DCUN1D4: variants seen among roughly 807,000 people sequenced by gnomAD.
DCUN1D4 encodes the protein defective in cullin neddylation 1 domain containing 4, also known as DCN1-like protein 4.
A neutral mutation model predicts 47.9 loss-of-function variants in DCUN1D4; 22 were observed. The ratio of observed to expected loss-of-function variants is 0.46; its 90% CI spans 0.33 to 0.66. DCUN1D4 has a LOEUF of 0.66. DCUN1D4 is among the 30% of genes least tolerant of loss of function. The pLI, the probability that DCUN1D4 is intolerant of heterozygous loss-of-function variation, is 0.02. For synonymous variants in DCUN1D4, 121 were observed against 112.2 expected (o/e 1.08, Z -0.50); for missense variants, 301 against 340.8 (o/e 0.88, Z 0.92).
chr4:51,843,447 CG>C lies in DCUN1D4; in HGVS notation c.25+185del, dbSNP rs1368151815. 42 of 1,080,402 alleles carry C rather than the reference CG, an allele frequency of 3.9e-5. No homozygotes were observed. The East Asian group carries it at 1.3e-3, about 35-fold the overall frequency. The allele number at this position is 1,080,402 out of a possible 1,614,324, so 66.9% of individuals were successfully genotyped here. On this transcript the variant is annotated intron_variant, in intron 1 of 10. Transcript: ENST00000334635. Reference sequence around the variant, plus strand: ...CGGTGACGCTGCGGGCGGCGTGGGGCGGGGGCGGGCGTGGGGGGAAGGGACC... The same window carrying C: ...CGGTGACGCTGCGGGCGGCGTGGGGCGGGGCGGGCGTGGGGGGAAGGGACC...
intron 3 of DCUN1D4, among the ~76,000 whole-genome samples, chr4:51,871,823 G>A: frequency 6.6e-6 from 1 of 152,212 alleles, no homozygotes; most frequent in East Asian, 1.9e-4. Flanking sequence ...TTGGGTCACT[G>A]CAATTCTTTG....
At chr4:51,903,104 A>G (rs1310816966) in intron 8 of DCUN1D4, among the ~76,000 whole-genome samples, 1 of 152,168 alleles carries the variant, frequency 6.6e-6, no homozygotes, top group Non-Finnish European at 1.5e-5. Flanking sequence ...ACTCAGAAAT[A>G]CCAAATATAT....
intron 3 of DCUN1D4, among the ~76,000 whole-genome samples, chr4:51,870,191 A>AT (rs1279100986): frequency 1.3e-4 from 19 of 151,456 alleles, no homozygotes; most frequent in Non-Finnish European, 2.2e-4. Context: ...TATTATTTGT[A>AT]TTTTTTTTTG....
upstream of DCUN1D4, chr4:51,843,035 G>A (rs1275034573): frequency 4.4e-6 from 6 of 1,360,174 alleles, no homozygotes; most frequent in Non-Finnish European, 5.7e-6. Flanking sequence ...GCTCCAGACC[G>A]GCGCTATGGG....
chr4:51,889,067 C>A (rs2110055841), intron 6 of DCUN1D4, among the ~76,000 whole-genome samples: 1 of 152,214 alleles, frequency 6.6e-6, no homozygotes, highest in Admixed American at 6.5e-5. Flanking sequence ...CGAGATCGCA[C>A]CACTGTACTT....
intron 5 of DCUN1D4, chr4:51,885,053 T>C (rs1183133353): frequency 6.6e-6 from 1 of 152,172 alleles, no homozygotes; most frequent in Non-Finnish European, 1.5e-5. Flanking sequence ...GTTGGAAAGA[T>C]GTAAGACTGA....
chr4:51,834,099 C>CTTTTTTTTTTT, the DCUN1D4 span, among the ~76,000 whole-genome samples: 13 of 40,814 alleles, frequency 3.2e-4, 1 homozygote, highest in African/African-American at 5.2e-4. Flanking sequence ...TTCTTTTCTT[C>CTTTTTTTTTTT]TTTCTTTTTT....
Position 51,891,740 on chromosome 4 carries a change from T to C in DCUN1D4, c.415-20T>C, listed in dbSNP as rs978380434. On this transcript the variant is annotated intron_variant, in intron 6 of 10. Coordinates refer to ENST00000334635, the MANE Select transcript of DCUN1D4 (RefSeq NM_001040402.3). The stretch of plus-strand genomic sequence containing the variant: ...TTTGTGTAATATATTTTTTTTTAAT[T>C]GTGTATTTTTTTTTAACAGGTAGTT... 1.3e-6 allele frequency: 2 copies of C among 1,569,434 alleles called. No homozygotes were observed. Among genetic ancestry groups the C allele is most frequent in the African/African-American group, 2.7e-5 (2 of 72,850 alleles).
intron 1 of DCUN1D4, among the ~76,000 whole-genome samples, chr4:51,860,855 A>G (rs1342842276): frequency 6.6e-6 from 1 of 152,154 alleles, no homozygotes; most frequent in Non-Finnish European, 1.5e-5. Flanking sequence ...CTATATCACC[A>G]TCATAGGCTA....
At chr4:51,842,178 C>T (rs549665710), upstream of DCUN1D4, among the ~76,000 whole-genome samples, 79 of 152,262 alleles carry the variant, frequency 5.2e-4, no homozygotes, top group African/African-American at 1.8e-3. Flanking sequence ...CAGCCAGTTT[C>T]AATTTCTGGA....
chr4:51,849,258 G>A (rs1723007730), intron 1 of DCUN1D4, among the ~76,000 whole-genome samples: 1 of 152,164 alleles, frequency 6.6e-6, no homozygotes, highest in Non-Finnish European at 1.5e-5. Context: ...ATTTTCTGGG[G>A]GGATGCACAG....
chr4:51,904,258 G>A (rs1402350306), intron 8 of DCUN1D4, among the ~76,000 whole-genome samples: 1 of 152,110 alleles, frequency 6.6e-6, no homozygotes, highest in Admixed American at 6.6e-5. Context: ...TCTACCCAAT[G>A]CCTTGTGTGC....
intron 3 of DCUN1D4, among the ~76,000 whole-genome samples, chr4:51,872,464 G>A (rs1002787160): frequency 1.3e-5 from 2 of 152,174 alleles, no homozygotes; most frequent in Non-Finnish European, 2.9e-5. Context: ...CATGGACACT[G>A]TACTTGATTG....
At chr4:51,882,907 A>G (rs1219446586) in intron 5 of DCUN1D4, among the ~76,000 whole-genome samples, 1 of 152,240 alleles carries the variant, frequency 6.6e-6, no homozygotes, top group African/African-American at 2.4e-5. Flanking sequence ...CTGCTTCTCA[A>G]TAAGCCATAT....
chr4:51,891,063 A>G (rs1205630493), intron 6 of DCUN1D4, among the ~76,000 whole-genome samples: 2 of 152,244 alleles, frequency 1.3e-5, no homozygotes, highest in Non-Finnish European at 2.9e-5. Context: ...ATGTGGGGCT[A>G]CTTTAAAATA....
intron 8 of DCUN1D4, chr4:51,909,029 G>A (rs946259260): frequency 5.0e-5 from 23 of 455,562 alleles, no homozygotes; most frequent in African/African-American, 3.6e-4. Context: ...CCTTTCCTCC[G>A]TGTTTTGGCA....
chr4:51,858,077 A>T (rs1724424506), intron 1 of DCUN1D4, among the ~76,000 whole-genome samples: 1 of 152,178 alleles, frequency 6.6e-6, no homozygotes, highest in Non-Finnish European at 1.5e-5. Flanking sequence ...TAGAGTGAAG[A>T]TGGGGCTCTG....
intron 1 of DCUN1D4, among the ~76,000 whole-genome samples, chr4:51,859,945 A>T (rs1186746908): frequency 6.6e-6 from 1 of 152,176 alleles, no homozygotes; most frequent in African/African-American, 2.4e-5. Context: ...TGCTTTCCAG[A>T]ATACGTTCTC....
intron 8 of DCUN1D4, 51 bp from the exon 9 acceptor site, chr4:51,911,019 A>G (rs1733644472): frequency 1.9e-6 from 3 of 1,547,884 alleles, no homozygotes; most frequent in Non-Finnish European, 2.7e-6. Context: ...AATTATTGGA[A>G]TTTATTATTT....
Sources: gnomAD v4.1 joint callset for allele counts (sites outside exome capture counted in the v4.1 genomes callset) on GRCh38, gnomAD v4.1.1 for gene constraint, MANE v1.5 for transcripts, NCBI Gene and HGNC (gene_info 2026-07-23, HGNC 2026-07-21) for gene names.